PEX7: variants seen among roughly 807,000 people sequenced by gnomAD.
PEX7 encodes the protein peroxisomal biogenesis factor 7.
PEX7 carries 34 observed loss-of-function variants against 47.5 expected under a neutral mutation model. That is an observed-to-expected ratio of 0.72 (90% CI 0.54 to 0.95). The LOEUF (loss-of-function observed/expected upper bound fraction) is 0.95, where lower values mean the gene tolerates loss of function less well. Among genes scored for constraint, PEX7 ranks in the 40% least tolerant of loss-of-function variants. PEX7 has a pLI of 0.00. For missense variants in PEX7, 394 were observed against 400.3 expected (o/e 0.98, Z 0.13); for synonymous variants, 141 against 148.8 (o/e 0.95, Z 0.38).
intron 3 of PEX7, among the ~76,000 whole-genome samples, chr6:136,832,769 C>A (rs2115143988): frequency 6.6e-6 from 1 of 152,318 alleles, no homozygotes; most frequent in East Asian, 1.9e-4. Flanking sequence ...AGGGCAGGGG[C>A]AAAATGCCAC....
chr6:136,898,062 GT>G, intron 8 of PEX7, 79 bp from the exon 9 acceptor site: 3 of 841,956 alleles, frequency 3.6e-6, no homozygotes, highest in Non-Finnish European at 4.0e-6. Flanking sequence ...TCTTTGCTAT[GT>G]CAAATATCTA....
At chr6:136,822,943 G>GCGC (rs1774109286) in intron 1 of PEX7, 148 bp downstream of exon 1, 1 of 1,209,208 alleles carries the variant, frequency 8.3e-7, no homozygotes, top group Non-Finnish European at 1.0e-6. Flanking sequence ...GCGCTGGTCG[G>GCGC]CGCTTCTCCT....
intron 6 of PEX7, 90 bp from the exon 7 acceptor site, chr6:136,869,800 C>A: frequency 1.1e-6 from 1 of 939,124 alleles, no homozygotes; most frequent in Non-Finnish European, 1.8e-6. Context: ...AAATAGTTAT[C>A]AGAAAGCAGA....
intron 8 of PEX7, among the ~76,000 whole-genome samples, chr6:136,897,223 C>G (rs1185360979): frequency 6.6e-6 from 1 of 152,184 alleles, no homozygotes; most frequent in East Asian, 1.9e-4. Context: ...TGTGTATTTA[C>G]TCTCTTTCAA....
At chr6:136,878,682 T>C (rs1775321525) in intron 8 of PEX7, among the ~76,000 whole-genome samples, 1 of 152,210 alleles carries the variant, frequency 6.6e-6, no homozygotes, top group Admixed American at 6.5e-5. Flanking sequence ...TATGTTTTTG[T>C]ATAGAGTATA....
intron 8 of PEX7, among the ~76,000 whole-genome samples, chr6:136,886,960 G>A (rs1026098565): frequency 3.9e-5 from 6 of 151,972 alleles, no homozygotes; most frequent in South Asian, 2.1e-4. Context: ...TGAGGCAGGA[G>A]GATCACTTGA....
chr6:136,912,895 T>G (rs530608756), intron 9 of PEX7, among the ~76,000 whole-genome samples: 4 of 152,326 alleles, frequency 2.6e-5, no homozygotes, highest in Non-Finnish European at 5.9e-5. Flanking sequence ...GATGTGAATG[T>G]CCTTGTCTTT....
chr6:136,902,653 A>T (rs1262169216), intron 9 of PEX7, among the ~76,000 whole-genome samples: 1 of 151,940 alleles, frequency 6.6e-6, no homozygotes, highest in Non-Finnish European at 1.5e-5. Flanking sequence ...TTATTTCTAA[A>T]TTAGATACTC....
At chr6:136,874,050 A>T (rs1451900805) in intron 8 of PEX7, among the ~76,000 whole-genome samples, 1 of 152,242 alleles carries the variant, frequency 6.6e-6, no homozygotes, top group Non-Finnish European at 1.5e-5. Context: ...TTGCGTCAAT[A>T]TTCAAAGGTG....
At chr6:136,875,832 CTG>C (rs1284789851) in intron 8 of PEX7, among the ~76,000 whole-genome samples, 2 of 152,058 alleles carry the variant, frequency 1.3e-5, no homozygotes, top group Non-Finnish European at 2.9e-5. Flanking sequence ...GAAACAGATG[CTG>C]TGTTTCTGGT....
chr6:136,855,085 CAAA>C (rs747644035), intron 5 of PEX7, among the ~76,000 whole-genome samples: 1 of 125,456 alleles, frequency 8.0e-6, no homozygotes. Flanking sequence ...AAGACTGTCT[CAAA>C]AAAAAAAAAA....
chr6:136,899,336 G>A (rs776959681), intron 9 of PEX7, among the ~76,000 whole-genome samples: 9 of 151,708 alleles, frequency 5.9e-5, no homozygotes, highest in Non-Finnish European at 1.0e-4. Context: ...TTCGCCTCCC[G>A]GATTCAAGTG....
At position 136,857,050 on chromosome 6, in the gene PEX7, T is replaced by C. The variant is rs76847490; in HGVS notation, c.527-9577T>C. Among the ~76,000 whole-genome samples, 5 of 152,356 alleles carry C rather than the reference T, an allele frequency of 3.3e-5. No individual in the cohort carries two copies. In the East Asian group the frequency reaches 7.7e-4, roughly 23 times the overall value. The stretch of plus-strand genomic sequence containing the variant: ...GTCTACTTAGTACTTTTTAAAAGAT[T>C]CAAAGTTCTTCTTCCACTCTGCAAA... On this transcript the variant is annotated intron_variant, in intron 5 of 9. Coordinates refer to ENST00000318471, the MANE Select transcript of PEX7 (RefSeq NM_000288.4).
intron 3 of PEX7, among the ~76,000 whole-genome samples, chr6:136,842,250 C>T (rs1774514289): frequency 1.3e-5 from 2 of 152,220 alleles, no homozygotes; most frequent in South Asian, 4.1e-4. Context: ...CCGCCTTGGC[C>T]TCCCAAAGTG....
At chr6:136,905,188 A>C (rs1582781599) in intron 9 of PEX7, among the ~76,000 whole-genome samples, 1 of 152,110 alleles carries the variant, frequency 6.6e-6, no homozygotes, top group Middle Eastern at 3.4e-3. Context: ...GTCACCCCAA[A>C]AGGTTTGCAT....
intron 3 of PEX7, among the ~76,000 whole-genome samples, chr6:136,840,508 T>TGTA (rs10670625): frequency 0.64 from 96,570 of 151,758 alleles, 30,836 homozygotes; most frequent in African/African-American, 0.69. Context: ...GATGCTAAGT[T>TGTA]GGAGCTACAT....
rs1775870811 is a variant in PEX7, at chr6:136,907,872, T to A, written c.904-5586T>A. Among the ~76,000 whole-genome samples the A allele has an allele frequency of 2.0e-5, 3 of 152,202 alleles. No individual in the cohort carries two copies. The South Asian group carries it at 6.2e-4, about 31-fold the overall frequency. ...TTGTATTTCCATTTTAATGTTTCCTTCTCTAAAATCCACATTTATGGGACC... is the reference window on the plus strand; with the variant it reads ...TTGTATTTCCATTTTAATGTTTCCTACTCTAAAATCCACATTTATGGGACC... On this transcript the variant is annotated intron_variant, in intron 9 of 9. Transcript: ENST00000318471.
At chr6:136,866,032 G>A (rs978431377) in intron 5 of PEX7, among the ~76,000 whole-genome samples, 1 of 152,068 alleles carries the variant, frequency 6.6e-6, no homozygotes, top group Admixed American at 6.5e-5. Context: ...ACAGTGAGCC[G>A]ATATCGTGCC....
chr6:136,843,917 A>G (rs1021542128), intron 3 of PEX7, among the ~76,000 whole-genome samples: 30 of 152,210 alleles, frequency 2.0e-4, no homozygotes, highest in African/African-American at 5.5e-4. Context: ...AGGGGGCCCC[A>G]AAAAACTTGA....
Sources: allele counts gnomAD v4.1 joint callset (sites outside exome capture counted in the v4.1 genomes callset), GRCh38; gene constraint gnomAD v4.1.1; transcripts MANE v1.5; gene names NCBI Gene and HGNC (gene_info 2026-07-23, HGNC 2026-07-21).